The following CHRM3 variants were observed in gnomAD, a reference collection of about 807,000 sequenced individuals.
CHRM3 encodes cholinergic receptor muscarinic 3, also known as muscarinic acetylcholine receptor M3.
CHRM3 carries 11 observed loss-of-function variants against 41.8 expected under a neutral mutation model. The ratio of observed to expected loss-of-function variants is 0.26; its 90% CI spans 0.17 to 0.44. The LOEUF (loss-of-function observed/expected upper bound fraction) is 0.44. Among genes scored for constraint, CHRM3 ranks in the 20% least tolerant of loss-of-function variants. CHRM3 has a pLI of 1.00. For synonymous variants in CHRM3, 297 were observed against 301.4 expected, an observed-to-expected ratio of 0.99 and a Z score of 0.15; for missense variants, 571 against 745.4, an observed-to-expected ratio of 0.77 and a Z score of 2.72.
At chr1:239,606,554 G>T (rs575252155) in intron 3 of CHRM3, among the ~76,000 whole-genome samples, 2 of 152,152 alleles carry the variant, frequency 1.3e-5, no homozygotes, top group African/African-American at 2.4e-5. Flanking sequence ...GATTATAGGC[G>T]TGAGCCATCG....
chr1:239,562,372 G>A (rs960831640), intron 3 of CHRM3, among the ~76,000 whole-genome samples: 2 of 152,102 alleles, frequency 1.3e-5, no homozygotes. Context: ...CTTCTGAAAG[G>A]TTATGCATCG....
At chr1:239,402,181 T>C (rs1660034386) in intron 1 of CHRM3, among the ~76,000 whole-genome samples, 1 of 152,178 alleles carries the variant, frequency 6.6e-6, no homozygotes, top group Non-Finnish European at 1.5e-5. Flanking sequence ...TTCTCCAAAA[T>C]ATTCCACTCT....
rs185235391 is a variant in CHRM3, at chr1:239,462,421, T to A, written c.-520-30288T>A. Reference sequence around the variant, plus strand: ...CTTAATGCTCAAAAGGAAAAAAAAATTTTTCATATTGTTGTTCTTCTGCCA... The same window carrying A: ...CTTAATGCTCAAAAGGAAAAAAAAAATTTTCATATTGTTGTTCTTCTGCCA... On this transcript the variant is annotated intron_variant, in intron 1 of 6. Coordinates refer to ENST00000676153, the MANE Select transcript of CHRM3 (RefSeq NM_001375978.1). 1.7e-3 allele frequency among the ~76,000 whole-genome samples: 259 copies of A among 152,186 alleles called. 1 individual carries two copies. Among genetic ancestry groups the A allele is most frequent in the African/African-American group, 3.6e-3 (150 of 41,522 alleles).
chr1:239,473,883 C>A lies in CHRM3; in HGVS notation c.-520-18826C>A, dbSNP rs191122580. Among the ~76,000 whole-genome samples the A allele has an allele frequency of 2.9e-4, 43 of 149,988 alleles. No homozygotes were observed. The East Asian group carries it at 7.8e-3, about 27-fold the overall frequency. ...GTAGTAAATTTCAAAAAAAAAAATG[C>A]CTGAGAAAGGTAAATATAAAATTTA... is the stretch of plus-strand genomic sequence containing the variant. On this transcript the variant is annotated intron_variant, in intron 1 of 6. Transcript: ENST00000676153.
chr1:239,910,964 C>T lies in CHRM3; in HGVS notation c.*1740C>T, dbSNP rs758419308. On this transcript the variant is annotated 3_prime_UTR_variant, in exon 7 of 7. Coordinates refer to ENST00000676153, the MANE Select transcript of CHRM3 (RefSeq NM_001375978.1). The stretch of plus-strand genomic sequence containing the variant: ...GCAGAAATATTTATGGATACTACAC[C>T]AAGTGTTTATTTAATGTTGATAAAT... 20 of 166,938 alleles carry T rather than the reference C, an allele frequency of 1.2e-4. No homozygotes were observed. The highest frequency in any genetic ancestry group is 2.9e-4 in the Non-Finnish European group (20 of 68,104). 10.3% of individuals were successfully genotyped at this position (166,938 alleles called of 1,614,324 possible).
intron 6 of CHRM3, among the ~76,000 whole-genome samples, chr1:239,829,372 G>A (rs571213930): frequency 6.6e-6 from 1 of 151,784 alleles, no homozygotes; most frequent in African/African-American, 2.4e-5. Flanking sequence ...GACTGGGAAG[G>A]CATTAGTTCA....
In CHRM3 at chr1:239,898,907, A is replaced by G. The variant is rs1004426901; in HGVS notation, c.-19-8526A>G. ...AACCCCAGAAAAGTTATTTTTTGCC[A>G]TAACTAGGGGGAAGAAGGCAAATTT... is the stretch of plus-strand genomic sequence containing the variant. On this transcript the variant is annotated intron_variant, in intron 6 of 6. Coordinates refer to ENST00000676153, the MANE Select transcript of CHRM3 (RefSeq NM_001375978.1). 2.0e-5 allele frequency among the ~76,000 whole-genome samples: 3 copies of G among 152,264 alleles called. No homozygotes were observed. The East Asian group carries it at 5.8e-4, about 29-fold the overall frequency.
chr1:239,445,590 C>T (rs1002423865), intron 1 of CHRM3, among the ~76,000 whole-genome samples: 4 of 152,044 alleles, frequency 2.6e-5, no homozygotes, highest in African/African-American at 9.7e-5. Context: ...GAAAAGGAGA[C>T]TTTAGAAGGT....
At chr1:239,538,125 A>T (rs1009492815) in intron 2 of CHRM3, among the ~76,000 whole-genome samples, 3 of 152,208 alleles carry the variant, frequency 2.0e-5, no homozygotes, top group African/African-American at 7.2e-5. Flanking sequence ...GAAAAAGAAG[A>T]AAGAGAAATG....
At chr1:239,507,325 T>C (rs1668639651) in intron 2 of CHRM3, among the ~76,000 whole-genome samples, 1 of 152,186 alleles carries the variant, frequency 6.6e-6, no homozygotes, top group Non-Finnish European at 1.5e-5. Context: ...CATGCTGTTC[T>C]CGTGATAGTG....
In CHRM3 at chr1:239,640,301, T is replaced by C. The variant is rs113379817; in HGVS notation, c.-250+8015T>C. ...TCATAAAATGAGTTAGGGAGGATTC[T>C]CTCTTTTTCTATTGATTGGAATAGT... is the stretch of plus-strand genomic sequence containing the variant. On this transcript the variant is annotated intron_variant, in intron 4 of 6. Transcript: ENST00000676153. Among the ~76,000 whole-genome samples, 182 of 152,258 alleles carry C rather than the reference T, an allele frequency of 1.2e-3. 1 individual carries two copies. The highest frequency in any genetic ancestry group is 1.8e-3 in the Admixed American group (28 of 15,288).
At chr1:239,583,083 G>A (rs1450775219) in intron 3 of CHRM3, among the ~76,000 whole-genome samples, 2 of 152,120 alleles carry the variant, frequency 1.3e-5, no homozygotes, top group African/African-American at 4.8e-5. Context: ...CCTCACCATG[G>A]ACCATGTGAA....
intron 3 of CHRM3, among the ~76,000 whole-genome samples, chr1:239,576,518 G>C (rs1451007966): frequency 3.3e-5 from 5 of 151,806 alleles, no homozygotes; most frequent in African/African-American, 1.2e-4. Context: ...CAAGGCAGGA[G>C]TATTGCTTGA....
chr1:239,807,067 T>C (rs1283820789), intron 5 of CHRM3, among the ~76,000 whole-genome samples: 1 of 152,242 alleles, frequency 6.6e-6, no homozygotes, highest in Admixed American at 6.5e-5. Context: ...TGGTATTAGA[T>C]GATTGCATCC....
chr1:239,768,954 A>G (rs993561235), intron 5 of CHRM3, among the ~76,000 whole-genome samples: 3 of 152,112 alleles, frequency 2.0e-5, no homozygotes, highest in African/African-American at 7.2e-5. Context: ...TAGTAAAGAC[A>G]GATTTTCACC....
At chr1:239,906,208 A>G (rs1679955673) in intron 6 of CHRM3, among the ~76,000 whole-genome samples, 2 of 152,194 alleles carry the variant, frequency 1.3e-5, no homozygotes. Flanking sequence ...GCTTTGAGAG[A>G]CACTCTGAGA....
At chr1:239,666,947 C>G (rs1673866979) in intron 4 of CHRM3, among the ~76,000 whole-genome samples, 1 of 152,134 alleles carries the variant, frequency 6.6e-6, no homozygotes, top group Non-Finnish European at 1.5e-5. Flanking sequence ...TTTGTTAATT[C>G]ACTTAGAATA....
intron 2 of CHRM3, among the ~76,000 whole-genome samples, chr1:239,515,623 A>G (rs1442043957): frequency 1.3e-5 from 2 of 152,206 alleles, no homozygotes; most frequent in African/African-American, 2.4e-5. Flanking sequence ...TGCATTCCAC[A>G]CAAACAATTA....
chr1:239,634,013 T>G (rs1225308649), intron 4 of CHRM3, among the ~76,000 whole-genome samples: 1 of 152,206 alleles, frequency 6.6e-6, no homozygotes, highest in Admixed American at 6.5e-5. Flanking sequence ...TTCCATTTTA[T>G]GTATGAGGAA....
Sources: allele counts gnomAD v4.1 joint callset (sites outside exome capture counted in the v4.1 genomes callset), GRCh38; gene constraint gnomAD v4.1.1; transcripts MANE v1.5; gene names NCBI Gene and HGNC (gene_info 2026-07-23, HGNC 2026-07-21).